PDE10A: variants seen among roughly 807,000 people sequenced by gnomAD.
The protein encoded by PDE10A is cAMP and cAMP-inhibited cGMP 3',5'-cyclic phosphodiesterase 10A.
In PDE10A, 39 loss-of-function variants were observed where a neutral mutation model predicts 97.7. The observed-to-expected ratio is 0.40, with a 90% CI of 0.31 to 0.52. PDE10A has a LOEUF of 0.52. Among genes scored for constraint, PDE10A ranks in the 20% least tolerant of loss-of-function variants. The pLI, the probability that PDE10A is intolerant of heterozygous loss-of-function variation, is 0.56. For synonymous variants in PDE10A, 371 were observed against 376.8 expected (o/e 0.98, Z 0.18); for missense variants, 731 against 1,047.8 (o/e 0.70, Z 4.17).
intron 1 of PDE10A, among the ~76,000 whole-genome samples, chr6:165,580,670 TACC>T (rs1050802547): frequency 6.6e-6 from 1 of 152,206 alleles, no homozygotes; most frequent in Non-Finnish European, 1.5e-5. Context: ...TAAAGATAAG[TACC>T]ACCTTTCAAA....
At chr6:165,758,073 A>G (rs925124012) in intron 1 of PDE10A, among the ~76,000 whole-genome samples, 1 of 152,240 alleles carries the variant, frequency 6.6e-6, no homozygotes, top group African/African-American at 2.4e-5. Flanking sequence ...ATTAGTGACA[A>G]TAAGTGGAAG....
intron 1 of PDE10A, among the ~76,000 whole-genome samples, chr6:165,899,671 G>A (rs1220926962): frequency 6.6e-6 from 1 of 152,216 alleles, no homozygotes; most frequent in Non-Finnish European, 1.5e-5. Context: ...GCCCTAAAGG[G>A]TGGTACCTGG....
chr6:165,661,820 C>A lies in PDE10A; in HGVS notation c.865+127G>T. The A allele has an allele frequency of 1.8e-6, 1 of 552,752 alleles. No individual in the cohort carries two copies. Among genetic ancestry groups the A allele is most frequent in the South Asian group, 2.1e-5 (1 of 47,998 alleles). The allele number at this position is 552,752 out of a possible 1,614,324, so 34.2% of individuals were successfully genotyped here. A position where few individuals can be genotyped will look rare whatever the true frequency, so the allele number is the denominator to read the frequency against. Reference sequence around the variant, plus strand: ...TGCCCCTCCAGAGAAGCCCCCTGGGCGCTCCACGCCCGGGCACGGGCACCT... The same window carrying A: ...TGCCCCTCCAGAGAAGCCCCCTGGGAGCTCCACGCCCGGGCACGGGCACCT... On this transcript the variant is annotated intron_variant, in intron 1 of 21. Transcript: ENST00000539869. This position sits in a 1 kb window ranked among gnomAD's most constrained non-coding sequence, Gnocchi z 4.8.
At chr6:165,524,566 G>T (rs1262697438) in intron 2 of PDE10A, among the ~76,000 whole-genome samples, 1 of 152,132 alleles carries the variant, frequency 6.6e-6, no homozygotes, top group Non-Finnish European at 1.5e-5. Context: ...TTGCTCCTAA[G>T]TTCATTGAAC....
intron 1 of PDE10A, among the ~76,000 whole-genome samples, chr6:165,809,529 C>A (rs1175192804): frequency 6.6e-6 from 1 of 152,166 alleles, no homozygotes. Flanking sequence ...CCCCCATACC[C>A]ACACTGCAAG....
chr6:165,464,424 A>G (rs1737308778), intron 3 of PDE10A, among the ~76,000 whole-genome samples: 1 of 152,176 alleles, frequency 6.6e-6, no homozygotes. Context: ...TAACATACTT[A>G]TATATTTTCT....
intron 18 of PDE10A, among the ~76,000 whole-genome samples, chr6:165,356,201 G>T (rs927648887): frequency 6.6e-6 from 1 of 152,070 alleles, no homozygotes; most frequent in Non-Finnish European, 1.5e-5. Context: ...ATTACAATCC[G>T]AGATGAGATT....
chr6:165,412,840 T>C (rs1583232189), intron 13 of PDE10A, among the ~76,000 whole-genome samples: 1 of 152,130 alleles, frequency 6.6e-6, no homozygotes, highest in East Asian at 1.9e-4. Context: ...TTCCCTAACC[T>C]CAGAATTCTA....
chr6:165,656,098 G>C lies in PDE10A; in HGVS notation c.865+5849C>G, dbSNP rs560799852. Among the ~76,000 whole-genome samples the C allele has an allele frequency of 6.6e-5, 10 of 152,016 alleles. No individual in the cohort carries two copies. In the East Asian group the frequency reaches 1.8e-3, roughly 27 times the overall value. On this transcript the variant is annotated intron_variant, in intron 1 of 21. Coordinates refer to ENST00000539869, the MANE Select transcript of PDE10A (RefSeq NM_001385079.1). ...TGGCTGGTTCTTGTCTGCACCACCA[G>C]AGTGTGGGCACCATACAAGCAGAGA...
intron 1 of PDE10A, among the ~76,000 whole-genome samples, chr6:165,698,403 A>C (rs1791490607): frequency 6.6e-6 from 1 of 152,254 alleles, no homozygotes; most frequent in Admixed American, 6.5e-5. Context: ...CAGGCAACGC[A>C]AGCTGGAGTC....
chr6:165,451,770 T>A (rs1429604648), intron 3 of PDE10A, among the ~76,000 whole-genome samples: 2 of 152,220 alleles, frequency 1.3e-5, no homozygotes, highest in African/African-American at 4.8e-5. Context: ...CTTCTAGTCA[T>A]CAGAGACCCT....
At chr6:165,676,668 G>C (rs1332550392) in intron 1 of PDE10A, among the ~76,000 whole-genome samples, 3 of 152,184 alleles carry the variant, frequency 2.0e-5, no homozygotes, top group South Asian at 2.1e-4. Context: ...GCCAGCTCAC[G>C]GGCTGTTTAG....
chr6:165,628,609 G>A (rs561136207), intron 1 of PDE10A, among the ~76,000 whole-genome samples: 38 of 152,182 alleles, frequency 2.5e-4, no homozygotes, highest in Non-Finnish European at 2.4e-4. Flanking sequence ...CTCCCAAAGC[G>A]CTGGCATTAC....
chr6:165,706,751 T>C (rs1791719613), intron 1 of PDE10A, among the ~76,000 whole-genome samples: 1 of 152,194 alleles, frequency 6.6e-6, no homozygotes, highest in African/African-American at 2.4e-5. Context: ...TAAATTCTAT[T>C]TTAATTTACC....
intron 1 of PDE10A, among the ~76,000 whole-genome samples, chr6:165,758,839 A>G (rs1453053520): frequency 6.6e-6 from 1 of 152,232 alleles, no homozygotes; most frequent in Non-Finnish European, 1.5e-5. Flanking sequence ...CTCCACTTAA[A>G]TGGCTTACAG....
At chr6:165,811,250 A>C (rs1447300481) in intron 1 of PDE10A, among the ~76,000 whole-genome samples, 1 of 152,134 alleles carries the variant, frequency 6.6e-6, no homozygotes, top group African/African-American at 2.4e-5. Context: ...AAACAAACAC[A>C]CAAAAAAAGC....
chr6:165,696,389 C>G (rs2128442837), intron 1 of PDE10A, among the ~76,000 whole-genome samples: 1 of 152,328 alleles, frequency 6.6e-6, no homozygotes, highest in South Asian at 2.1e-4. Flanking sequence ...AACCATCCTG[C>G]TCTGTCCTGC....
At chr6:165,853,624 T>G (rs1199990421) in intron 1 of PDE10A, among the ~76,000 whole-genome samples, 2 of 152,198 alleles carry the variant, frequency 1.3e-5, no homozygotes, top group Admixed American at 1.3e-4. Flanking sequence ...AGTGAATTAG[T>G]GATTGTAAAG....
intron 1 of PDE10A, among the ~76,000 whole-genome samples, chr6:165,702,052 G>T (rs1343092550): frequency 6.6e-6 from 1 of 152,154 alleles, no homozygotes; most frequent in Non-Finnish European, 1.5e-5. Flanking sequence ...GGCAGGCAGG[G>T]CCAGGTCAGC....
Sources: allele counts gnomAD v4.1 joint callset (sites outside exome capture counted in the v4.1 genomes callset), GRCh38; gene constraint gnomAD v4.1.1; non-coding constraint Gnocchi (gnomAD v3.1); transcripts MANE v1.5; gene names NCBI Gene and HGNC (gene_info 2026-07-23, HGNC 2026-07-21).